The following LMO7 variants were observed in gnomAD, a reference collection of about 807,000 sequenced individuals.
The protein encoded by LMO7 is LIM domain 7, also known as LIM domain only protein 7.
Under a neutral mutation model 206.5 loss-of-function variants are expected in LMO7, and 120 were observed. The observed-to-expected ratio is 0.58, with a 90% CI of 0.50 to 0.68. The LOEUF is 0.68. Among genes scored for constraint, LMO7 ranks in the 30% least tolerant of loss-of-function variants. LMO7 has a pLI of 0.00. For missense variants in LMO7, 1,959 were observed against 1,957.9 expected (o/e 1.00, Z -0.01); for synonymous variants, 706 against 681.5 (o/e 1.04, Z -0.56).
intron 1 of LMO7, among the ~76,000 whole-genome samples, chr13:75,661,938 A>G (rs2038645585): frequency 6.6e-6 from 1 of 152,148 alleles, no homozygotes; most frequent in Non-Finnish European, 1.5e-5. Context: ...GATAAATTAT[A>G]AGTGTTTTGT....
chr13:75,701,119 C>T (rs2042257545), intron 1 of LMO7, among the ~76,000 whole-genome samples: 1 of 150,384 alleles, frequency 6.6e-6, no homozygotes, highest in Non-Finnish European at 1.5e-5. Flanking sequence ...TGGGTATGCA[C>T]TAGGAATAGA....
At chr13:75,646,405 C>T (rs751678346) in intron 1 of LMO7, among the ~76,000 whole-genome samples, 1 of 152,114 alleles carries the variant, frequency 6.6e-6, no homozygotes, top group Non-Finnish European at 1.5e-5. Flanking sequence ...CGCCCTCCTC[C>T]CCTGACAATG....
chr13:75,757,235 C>T lies in LMO7; in HGVS notation c.211-3697C>T, dbSNP rs146708433. Among the ~76,000 whole-genome samples the T allele has an allele frequency of 6.6e-5, 10 of 152,306 alleles. 1 individual carries two copies. Among genetic ancestry groups the T allele is most frequent in the African/African-American group, 2.4e-4 (10 of 41,566 alleles). ...CATGAGTGAGCCGCCTTGGAAACAGCTCCTCCAAGCTCCAGGAAAGCCTTG... is the reference window on the plus strand; with the variant it reads ...CATGAGTGAGCCGCCTTGGAAACAGTTCCTCCAAGCTCCAGGAAAGCCTTG... On this transcript the variant is annotated intron_variant, in intron 3 of 30. Coordinates refer to ENST00000377534, the MANE Select transcript of LMO7 (RefSeq NM_001306080.2).
chr13:75,831,913 T>C (rs758754858), intron 15 of LMO7, among the ~76,000 whole-genome samples: 2 of 152,204 alleles, frequency 1.3e-5, no homozygotes, highest in Non-Finnish European at 2.9e-5. Context: ...TTTCTCAGAA[T>C]ATTGCTACTT....
chr13:75,784,536 T>C (rs2140406690), intron 4 of LMO7, among the ~76,000 whole-genome samples: 1 of 152,316 alleles, frequency 6.6e-6, no homozygotes, highest in African/African-American at 2.4e-5. Flanking sequence ...GCATACATAG[T>C]TTGGCATGCA....
At chr13:75,622,138 G>C in intron 1 of LMO7, 1 of 216,758 alleles carries the variant, frequency 4.6e-6, no homozygotes, top group Non-Finnish European at 9.0e-6. Flanking sequence ...CTATGATACA[G>C]GCACGGAATA....
intron 20 of LMO7, chr13:75,839,773 C>A (rs1234240478): frequency 8.3e-6 from 2 of 240,686 alleles, no homozygotes; most frequent in African/African-American, 4.5e-5. Context: ...GAGATGCTGC[C>A]CAGTTTATTA....
rs148319362 is a variant in LMO7, at chr13:75,755,411, G to A, written c.211-5521G>A. Among the ~76,000 whole-genome samples, 338 of 152,024 alleles carry A rather than the reference G, an allele frequency of 2.2e-3. 1 individual carries two copies. Among genetic ancestry groups the A allele is most frequent in the Non-Finnish European group, 3.8e-3 (255 of 67,980 alleles). ...TGTTTTCCGTATGCTATTCTCTTCTGCTTTTCTTCTGATTTATCTGGATGC... is the reference window on the plus strand; with the variant it reads ...TGTTTTCCGTATGCTATTCTCTTCTACTTTTCTTCTGATTTATCTGGATGC... On this transcript the variant is annotated intron_variant, in intron 3 of 30. Transcript: ENST00000377534.
chr13:75,796,789 C>A, intron 6 of LMO7, 40 bp downstream of exon 6: 2 of 1,185,080 alleles, frequency 1.7e-6, no homozygotes, highest in Non-Finnish European at 2.5e-6. Context: ...TGCTGTAATA[C>A]AGTATCACTG....
intron 9 of LMO7, 157 bp downstream of exon 9, chr13:75,805,917 TA>T: frequency 8.8e-7 from 1 of 1,133,902 alleles, no homozygotes; most frequent in Non-Finnish European, 1.2e-6. Flanking sequence ...AATTTCTGTT[TA>T]AATTTAAACC....
At chr13:75,769,249 A>G (rs1413524793) in intron 4 of LMO7, among the ~76,000 whole-genome samples, 4 of 151,960 alleles carry the variant, frequency 2.6e-5, no homozygotes, top group Non-Finnish European at 5.9e-5. Flanking sequence ...TTGCCCTGGT[A>G]TGGTTTCTGT....
intron 1 of LMO7, among the ~76,000 whole-genome samples, chr13:75,642,261 G>A (rs552998855): frequency 1.7e-4 from 26 of 152,166 alleles, no homozygotes; most frequent in African/African-American, 6.0e-4. Flanking sequence ...GCTAGAAATG[G>A]ACTTCTTTCA....
chr13:75,686,152 T>G (rs892397425), intron 1 of LMO7, among the ~76,000 whole-genome samples: 3 of 152,090 alleles, frequency 2.0e-5, no homozygotes, highest in South Asian at 2.1e-4. Flanking sequence ...GTGCTGGGAT[T>G]ACAGGGGTGT....
rs756747069 is a variant in LMO7, at chr13:75,761,043, G to C, written c.317+5G>C. The C allele has an allele frequency of 2.6e-6, 4 of 1,554,166 alleles. No individual in the cohort carries two copies. The highest frequency in any genetic ancestry group is 2.3e-5 in the East Asian group (1 of 43,558). On this transcript the variant is annotated splice_donor_5th_base_variant and intron_variant, in intron 4 of 30. Coordinates refer to ENST00000377534, the MANE Select transcript of LMO7 (RefSeq NM_001306080.2). ...ATCAAATCGAGTCACTGTCAAGTAA[G>C]TTTCAACAGTTTGTTAGATATATAT... is the stretch of plus-strand genomic sequence containing the variant.
At chr13:75,753,403 C>CG (rs1455378508) in intron 3 of LMO7, among the ~76,000 whole-genome samples, 6 of 152,206 alleles carry the variant, frequency 3.9e-5, no homozygotes, top group Middle Eastern at 6.8e-3. Context: ...GTGCAGAAGC[C>CG]TTTTAGTTTA....
intron 4 of LMO7, among the ~76,000 whole-genome samples, chr13:75,765,682 A>G (rs138789345): frequency 1.3e-5 from 2 of 152,276 alleles, no homozygotes; most frequent in Admixed American, 1.3e-4. Context: ...CAAAGTTTGA[A>G]TATCTAAGAG....
chr13:75,652,233 A>G (rs1471282306), intron 1 of LMO7, among the ~76,000 whole-genome samples: 1 of 151,828 alleles, frequency 6.6e-6, no homozygotes, highest in African/African-American at 2.4e-5. Flanking sequence ...CTTCTTTTAA[A>G]CTTCTGGTAG....
rs559208107 is a variant in LMO7, at chr13:75,799,182, G to A, written c.463-1502G>A. 5.3e-5 allele frequency among the ~76,000 whole-genome samples: 8 copies of A among 152,294 alleles called. No homozygotes were observed. The South Asian group carries it at 1.7e-3, about 32-fold the overall frequency. ...GACTTTATTGGTGCTCCAGACACTT[G>A]TCAAACAATTGAATCATGAATTGAC... On this transcript the variant is annotated intron_variant, in intron 6 of 30. Transcript: ENST00000377534.
chr13:75,733,063 G>GGGGGTCA (rs2045422875), intron 3 of LMO7, among the ~76,000 whole-genome samples: 1 of 152,164 alleles, frequency 6.6e-6, no homozygotes, highest in Non-Finnish European at 1.5e-5. Context: ...TAGACTGCTC[G>GGGGGTCA]GGGGTCAGGG....
Sources: gnomAD v4.1 joint callset for allele counts (sites outside exome capture counted in the v4.1 genomes callset) on GRCh38, gnomAD v4.1.1 for gene constraint, MANE v1.5 for transcripts, NCBI Gene and HGNC (gene_info 2026-07-23, HGNC 2026-07-21) for gene names.